The following IGSF9B variants were observed in gnomAD, a reference collection of about 807,000 sequenced individuals.
IGSF9B encodes the protein protein turtle homolog B.
Under a neutral mutation model 143.7 loss-of-function variants are expected in IGSF9B, and 48 were observed. The ratio of observed to expected loss-of-function variants is 0.33; its 90% CI spans 0.26 to 0.42. The LOEUF (loss-of-function observed/expected upper bound fraction) is 0.42, where lower values mean the gene tolerates loss of function less well. Ranked by LOEUF, IGSF9B falls within the 20% of genes least tolerant of loss-of-function variation. The pLI is 1.00. For missense variants in IGSF9B, 1,706 were observed against 1,980.0 expected, an observed-to-expected ratio of 0.86 and a Z score of 2.63; for synonymous variants, 903 against 833.1, an observed-to-expected ratio of 1.08 and a Z score of -1.44.
At chr11:133,938,229 C>T in intron 3 of IGSF9B, 1 of 371,658 alleles carries the variant, frequency 2.7e-6, no homozygotes, top group Non-Finnish European at 5.0e-6. Context: ...CTAGGGTGGC[C>T]CTTACAAACA....
Position 133,920,556 on chromosome 11 carries a change from A to C in IGSF9B, c.3169T>G (p.Phe1057Val). 6.2e-7 allele frequency: 1 copy of C among 1,612,602 alleles called. No homozygotes were observed. The highest frequency in any genetic ancestry group is 8.5e-7 in the Non-Finnish European group (1 of 1,179,408). The change falls in exon 18 of 20, where the codon TTC becomes GTC. Residue 1057 changes from phenylalanine (F) to valine (V), a missense_variant. Physicochemically the swap from Phe to Val is conservative, Grantham distance 50 (BLOSUM62 -1). Coordinates refer to ENST00000533871, the MANE Select transcript of IGSF9B (RefSeq NM_001277285.4). Reference protein sequence around the residue: ...FGGLETPAMMFPHQLPPCDVP... With the variant: ...FGGLETPAMMVPHQLPPCDVP... ...TCACAGGGTGGCAGCTGGTGGGGGA[A>C]CATCATCGCTGGGGTCTCCAGCCCC...
In IGSF9B at chr11:133,919,969, C is replaced by A; in HGVS notation, c.3756G>T (p.Thr1252=). The A allele has an allele frequency of 6.4e-7, 1 of 1,569,928 alleles. No homozygotes were observed. The highest frequency in any genetic ancestry group is 8.6e-7 in the Non-Finnish European group (1 of 1,158,392). Residue 1252 remains threonine, a synonymous_variant, in exon 18 of 20, where the codon ACG becomes ACT. Coordinates refer to ENST00000533871, the MANE Select transcript of IGSF9B (RefSeq NM_001277285.4). Reference sequence around the variant, plus strand: ...TCTGGGAGGGGGAGCCTGTGGACGGCGTAGACTTTCGAGAAAAGCTGACTG... The same window carrying A: ...TCTGGGAGGGGGAGCCTGTGGACGGAGTAGACTTTCGAGAAAAGCTGACTG... ...PAAVSFSRKS[T]PSTGSPSQSS...
Position 133,901,946 on chromosome 11 carries a change from C to CACA in IGSF9B, c.*7122_*7123insTGT, listed in dbSNP as rs1939133401. On this transcript the variant is annotated 3_prime_UTR_variant, in exon 20 of 20. Coordinates refer to ENST00000533871, the MANE Select transcript of IGSF9B (RefSeq NM_001277285.4). ...CACCAAACCACACAACACACACACA[C>CACA]ATCACACACATGCACACCGCATCAC... 8.4e-6 allele frequency among the ~76,000 whole-genome samples: 1 copy of CACA among 119,706 alleles called. No homozygotes were observed. The highest frequency in any genetic ancestry group is 7.8e-5 in the Admixed American group (1 of 12,740). 78.5% of individuals were successfully genotyped at this position (119,706 alleles called of 152,430 possible).
intron 16 of IGSF9B, 108 bp from the exon 17 acceptor site, chr11:133,922,330 G>T: frequency 1.8e-6 from 2 of 1,127,640 alleles, no homozygotes; most frequent in Non-Finnish European, 2.6e-6. Context: ...CAGGGAAGGA[G>T]CTGCTCACAG....
rs1410807815 is a variant in IGSF9B at position 133,908,068 on chromosome 11, C to T, written c.*1001G>A. On this transcript the variant is annotated 3_prime_UTR_variant, in exon 20 of 20. Coordinates refer to ENST00000533871, the MANE Select transcript of IGSF9B (RefSeq NM_001277285.4). ...GGTATAAATAGAGCCGGCAGCTTGG[C>T]GCTAGCACAGGTGGCTCCGCAGTGG... 3.3e-5 allele frequency among the ~76,000 whole-genome samples: 5 copies of T among 152,234 alleles called. No homozygotes were observed. The East Asian group carries it at 9.6e-4, about 29-fold the overall frequency.
rs1478903054 is a variant in IGSF9B at position 133,913,343 on chromosome 11, G to C, written c.3984-1336C>G. On this transcript the variant is annotated intron_variant, in intron 18 of 19. Coordinates refer to ENST00000533871, the MANE Select transcript of IGSF9B (RefSeq NM_001277285.4). The surrounding 1 kb of genome is among the most constrained non-coding windows in gnomAD (Gnocchi z 4.6). ...CTGAGGTTAAAAAAAAAAATGTTAA[G>C]AGGGATAGGAAGCCTGCAGTCTCTT... is the stretch of plus-strand genomic sequence containing the variant. Among the ~76,000 whole-genome samples the C allele has an allele frequency of 2.0e-5, 3 of 152,120 alleles. No homozygotes were observed. Among genetic ancestry groups the C allele is most frequent in the Admixed American group, 6.5e-5 (1 of 15,270 alleles).
Position 133,897,516 on chromosome 11 carries a change from G to C in IGSF9B, c.*11553C>G, listed in dbSNP as rs540421569. 1.3e-5 allele frequency: 2 copies of C among 152,302 alleles called. No homozygotes were observed. Among genetic ancestry groups the C allele is most frequent in the East Asian group, 3.9e-4 (2 of 5,164 alleles). The allele number at this position is 152,302 out of a possible 1,614,324, so 9.4% of individuals were successfully genotyped here. A position where few individuals can be genotyped will look rare whatever the true frequency, so the allele number is the denominator to read the frequency against. On this transcript the variant is annotated 3_prime_UTR_variant, in exon 20 of 20. Transcript: ENST00000533871. ...TTCCCAGGGTGCCCTTGGCCCACAGGTCCCCAAGACCCAGCCCCAGGCTTG... is the reference window on the plus strand; with the variant it reads ...TTCCCAGGGTGCCCTTGGCCCACAGCTCCCCAAGACCCAGCCCCAGGCTTG...
At chr11:133,923,656 C>T (rs1033638807) in intron 15 of IGSF9B, among the ~76,000 whole-genome samples, 2 of 152,208 alleles carry the variant, frequency 1.3e-5, no homozygotes, top group African/African-American at 4.8e-5. Context: ...AAAAATAATC[C>T]AGATGATGCT....
intron 18 of IGSF9B, among the ~76,000 whole-genome samples, chr11:133,914,018 G>T (rs970160900): frequency 6.6e-6 from 1 of 152,184 alleles, no homozygotes; most frequent in Non-Finnish European, 1.5e-5. Context: ...CCGGTACAGG[G>T]TGCCCTGAAA....
intron 18 of IGSF9B, chr11:133,912,435 C>A: frequency 2.2e-6 from 1 of 449,646 alleles, no homozygotes; most frequent in Non-Finnish European, 4.5e-6. Flanking sequence ...GCAAGCAGCT[C>A]CCATCCCAGT....
chr11:133,922,900 GGAA>G (rs1169637945), intron 15 of IGSF9B, among the ~76,000 whole-genome samples, 170 bp from the exon 16 acceptor site: 2 of 152,218 alleles, frequency 1.3e-5, no homozygotes, highest in South Asian at 2.1e-4. Flanking sequence ...GTCACGAAGA[GGAA>G]GAAGAGAGGA....
At position 133,920,683 on chromosome 11, in the gene IGSF9B, C is replaced by T; in HGVS notation, c.3042G>A (p.Glu1014=). 1 of 1,613,424 alleles carries T rather than the reference C, an allele frequency of 6.2e-7. No individual in the cohort carries two copies. Among genetic ancestry groups the T allele is most frequent in the Non-Finnish European group, 8.5e-7 (1 of 1,179,758 alleles). ...EGPFGHPTIP[E]ENGENASNST... is the part of the protein sequence containing the mutation. ...TGTTGGATGCATTCTCTCCATTCTC[C>T]TCGGGGATGGTGGGGTGGCCAAAGG... Residue 1014 remains glutamate, a synonymous_variant, in exon 18 of 20, where the codon GAG becomes GAA. Coordinates refer to ENST00000533871, the MANE Select transcript of IGSF9B (RefSeq NM_001277285.4).
In IGSF9B at chr11:133,897,470, A is replaced by T. The variant is rs1337485034; in HGVS notation, c.*11599T>A. The T allele has an allele frequency of 6.6e-6, 1 of 152,226 alleles. No individual in the cohort carries two copies. The highest frequency in any genetic ancestry group is 1.5e-5 in the Non-Finnish European group (1 of 68,078). 9.4% of individuals were successfully genotyped at this position (152,226 alleles called of 1,614,324 possible). ...TGCTCAGGCAGCAGAAGGGTGTCCC[A>T]TCCTCACCGTCATCTTTTACTTCCC... On this transcript the variant is annotated 3_prime_UTR_variant, in exon 20 of 20. Coordinates refer to ENST00000533871, the MANE Select transcript of IGSF9B (RefSeq NM_001277285.4).
Position 133,909,296 on chromosome 11 carries a change from G to T in IGSF9B, c.4106-19C>A, listed in dbSNP as rs1273198092. On this transcript the variant is annotated intron_variant, in intron 19 of 19. Coordinates refer to ENST00000533871, the MANE Select transcript of IGSF9B (RefSeq NM_001277285.4). The surrounding 1 kb of genome is among the most constrained non-coding windows in gnomAD (Gnocchi z 4.2). Reference sequence around the variant, plus strand: ...GAATCGTCTAGGAAGAAAGGAAGAGGGACGCAAAAGAGAAGCAAGCGGATG... The same window carrying T: ...GAATCGTCTAGGAAGAAAGGAAGAGTGACGCAAAAGAGAAGCAAGCGGATG... 1.3e-6 allele frequency: 2 copies of T among 1,524,588 alleles called. No homozygotes were observed. Among genetic ancestry groups the T allele is most frequent in the Non-Finnish European group, 1.8e-6 (2 of 1,136,704 alleles). 94.4% of individuals were successfully genotyped at this position (1,524,588 alleles called of 1,614,324 possible).
intron 18 of IGSF9B, among the ~76,000 whole-genome samples, chr11:133,914,507 A>C (rs564787349): frequency 6.6e-6 from 1 of 152,332 alleles, no homozygotes; most frequent in Non-Finnish European, 1.5e-5. Flanking sequence ...AGCCTGCTTA[A>C]GTTGTATCGT....
intron 2 of IGSF9B, 106 bp from the exon 3 acceptor site, chr11:133,944,472 C>A (rs1940009177): frequency 1.7e-6 from 2 of 1,200,264 alleles, no homozygotes; most frequent in Non-Finnish European, 2.4e-6. Flanking sequence ...AATCTTCATA[C>A]CATTCCCTAT....
At chr11:133,955,973 G>A (rs1226817043) in intron 1 of IGSF9B, among the ~76,000 whole-genome samples, 5 of 151,822 alleles carry the variant, frequency 3.3e-5, no homozygotes, top group Middle Eastern at 3.2e-3. Context: ...CCGCGCGGCT[G>A]CGGCGCGCTC....
rs113747375 is a variant in IGSF9B at position 133,955,219 on chromosome 11, C to A, written c.64+1472G>T. On this transcript the variant is annotated intron_variant, in intron 1 of 19. Coordinates refer to ENST00000533871, the MANE Select transcript of IGSF9B (RefSeq NM_001277285.4). Reference sequence around the variant, plus strand: ...TACAGGCAGACTGTCAAGCGCAGCCCGATGCACCTCACATCCACCCCCCGT... The same window carrying A: ...TACAGGCAGACTGTCAAGCGCAGCCAGATGCACCTCACATCCACCCCCCGT... Among the ~76,000 whole-genome samples, 1,352 of 152,206 alleles carry A rather than the reference C, an allele frequency of 8.9e-3. 19 individuals carry two copies. Among genetic ancestry groups the A allele is most frequent in the African/African-American group, 0.031 (1,305 of 41,528 alleles).
intron 7 of IGSF9B, among the ~76,000 whole-genome samples, chr11:133,932,575 G>GAC (rs200013329): frequency 2.2e-5 from 1 of 45,170 alleles, no homozygotes. Context: ...AGAGCAGACA[G>GAC]AGACAGACAC....
Sources: allele counts gnomAD v4.1 joint callset (sites outside exome capture counted in the v4.1 genomes callset), GRCh38; gene constraint gnomAD v4.1.1; non-coding constraint Gnocchi (gnomAD v3.1); transcripts MANE v1.5; gene names NCBI Gene and HGNC (gene_info 2026-07-23, HGNC 2026-07-21).